The following RPS6KC1 variants were observed in gnomAD, a reference collection of about 807,000 sequenced individuals.
The protein encoded by RPS6KC1 is inactive ribosomal protein S6 kinase delta-1.
In RPS6KC1, 54 loss-of-function variants were observed where a neutral mutation model predicts 103.8. That is an observed-to-expected ratio of 0.52 (90% CI 0.42 to 0.65). RPS6KC1 has a LOEUF of 0.65. RPS6KC1 is among the 30% of genes least tolerant of loss of function. The pLI is 0.00. For missense variants in RPS6KC1, 1,151 were observed against 1,253.8 expected (o/e 0.92, Z 1.24); for synonymous variants, 439 against 438.7 (o/e 1.00, Z -0.01).
chr1:213,496,308 T>C, the RPS6KC1 span, among the ~76,000 whole-genome samples: 2 of 152,116 alleles, frequency 1.3e-5, no homozygotes, highest in African/African-American at 4.8e-5. Flanking sequence ...TAAAACAAAA[T>C]GTGCTTTGCA....
At chr1:213,704,405 A>AC in the RPS6KC1 span, among the ~76,000 whole-genome samples, 1 of 151,038 alleles carries the variant, frequency 6.6e-6, no homozygotes, top group Non-Finnish European at 1.5e-5. Flanking sequence ...AAAAAAAAAA[A>AC]AAAAAAACTC....
At chr1:213,740,306 G>A in the RPS6KC1 span, among the ~76,000 whole-genome samples, 1 of 152,084 alleles carries the variant, frequency 6.6e-6, no homozygotes, top group African/African-American at 2.4e-5. Context: ...TAGAAAAATA[G>A]GGTTTGGCTG....
the RPS6KC1 span, among the ~76,000 whole-genome samples, chr1:213,642,762 C>G: frequency 6.6e-6 from 1 of 151,868 alleles, no homozygotes; most frequent in Non-Finnish European, 1.5e-5. Context: ...TTAGAACAGA[C>G]TTTTTAACTC....
chr1:213,571,965 G>T, the RPS6KC1 span, among the ~76,000 whole-genome samples: 1 of 152,194 alleles, frequency 6.6e-6, no homozygotes, highest in Non-Finnish European at 1.5e-5. Flanking sequence ...ACCACTCTTA[G>T]ATTCACACGG....
chr1:213,185,769 G>T (rs749194341), intron 8 of RPS6KC1, among the ~76,000 whole-genome samples: 25 of 146,070 alleles, frequency 1.7e-4, no homozygotes, highest in Non-Finnish European at 2.6e-4. Flanking sequence ...TGACACTCCT[G>T]TCTTTTTTCT....
At chr1:213,757,583 A>G in the RPS6KC1 span, among the ~76,000 whole-genome samples, 3 of 152,260 alleles carry the variant, frequency 2.0e-5, no homozygotes, top group African/African-American at 7.2e-5. Flanking sequence ...TCCATAATAT[A>G]AAAATTCAAG....
chr1:213,747,839 A>G, the RPS6KC1 span, among the ~76,000 whole-genome samples: 1 of 152,184 alleles, frequency 6.6e-6, no homozygotes, highest in Admixed American at 6.5e-5. Context: ...TGGGGACAAC[A>G]TTTCTCAAAT....
the RPS6KC1 span, among the ~76,000 whole-genome samples, chr1:213,464,224 C>A: frequency 6.6e-6 from 1 of 152,148 alleles, no homozygotes; most frequent in Non-Finnish European, 1.5e-5. Context: ...AGTTTAGTAG[C>A]TTTCCACCTT....
chr1:213,448,266 A>C, the RPS6KC1 span, among the ~76,000 whole-genome samples: 1 of 150,770 alleles, frequency 6.6e-6, no homozygotes, highest in Non-Finnish European at 1.5e-5. Context: ...AAAAAAAAGA[A>C]ACTATTTGTG....
chr1:213,183,588 A>T (rs893953344), intron 8 of RPS6KC1, among the ~76,000 whole-genome samples: 2 of 149,552 alleles, frequency 1.3e-5, no homozygotes, highest in African/African-American at 4.9e-5. Context: ...TTAAAAAAAA[A>T]TGCATATAGT....
chr1:213,705,417 A>G, the RPS6KC1 span, among the ~76,000 whole-genome samples: 1 of 152,210 alleles, frequency 6.6e-6, no homozygotes, highest in Non-Finnish European at 1.5e-5. Flanking sequence ...CCAGCCTTTG[A>G]AGAGTACTGC....
chr1:213,710,599 C>T, the RPS6KC1 span, among the ~76,000 whole-genome samples: 1 of 152,142 alleles, frequency 6.6e-6, no homozygotes, highest in Non-Finnish European at 1.5e-5. Flanking sequence ...GATGTAGTTT[C>T]TTCATAGTGT....
the RPS6KC1 span, among the ~76,000 whole-genome samples, chr1:213,833,365 C>A: frequency 6.6e-6 from 1 of 152,242 alleles, no homozygotes; most frequent in South Asian, 2.1e-4. Context: ...AGTATTATAC[C>A]CTCATTCTCT....
chr1:213,077,999 A>G (rs1433935857), intron 3 of RPS6KC1, among the ~76,000 whole-genome samples, 183 bp downstream of exon 3: 2 of 152,148 alleles, frequency 1.3e-5, no homozygotes, highest in Admixed American at 6.5e-5. Context: ...CCCAGAATAT[A>G]TTTACTCTTC....
chr1:213,713,568 C>A, the RPS6KC1 span, among the ~76,000 whole-genome samples: 2 of 152,184 alleles, frequency 1.3e-5, no homozygotes, highest in African/African-American at 4.8e-5. Context: ...TCATAAGTTG[C>A]ATTCTCCTAG....
chr1:213,391,350 C>T, the RPS6KC1 span, among the ~76,000 whole-genome samples: 3 of 152,124 alleles, frequency 2.0e-5, no homozygotes, highest in South Asian at 2.1e-4. Context: ...TCTCCCCATG[C>T]AGTGCTGAGA....
chr1:213,428,226 C>G, the RPS6KC1 span, among the ~76,000 whole-genome samples: 1 of 152,166 alleles, frequency 6.6e-6, no homozygotes, highest in African/African-American at 2.4e-5. Flanking sequence ...AAACAGCTGC[C>G]TGGACACGCT....
chr1:213,530,878 C>T, the RPS6KC1 span, among the ~76,000 whole-genome samples: 1 of 152,206 alleles, frequency 6.6e-6, no homozygotes. Context: ...CTCAGTCCTG[C>T]CACTGATGTT....
chr1:213,843,635 G>T, the RPS6KC1 span: 3 of 151,878 alleles, frequency 2.0e-5, no homozygotes, highest in African/African-American at 7.3e-5. Flanking sequence ...AGTTTTCAAA[G>T]AAAAAAATCT....
Sources: allele counts gnomAD v4.1 joint callset (sites outside exome capture counted in the v4.1 genomes callset), GRCh38; gene constraint gnomAD v4.1.1; transcripts MANE v1.5; gene names NCBI Gene and HGNC (gene_info 2026-07-23, HGNC 2026-07-21).